The following REPIN1 variants were observed in gnomAD, a reference collection of about 807,000 sequenced individuals.
REPIN1 encodes DNA-binding protein REPIN1.
In REPIN1, 4 loss-of-function variants were observed where a neutral mutation model predicts 5.7. The ratio of observed to expected loss-of-function variants is 0.71; its 90% CI spans 0.35 to 1.62. The LOEUF (loss-of-function observed/expected upper bound fraction) is 1.62. REPIN1 is among the 40% of genes most tolerant of loss of function. The probability of loss-of-function intolerance (pLI) is 0.05; values close to 1 mark genes in which losing one functional copy is unlikely to be tolerated. For synonymous variants in REPIN1, 410 were observed against 386.2 expected, an observed-to-expected ratio of 1.06 and a Z score of -0.72; for missense variants, 854 against 901.0, an observed-to-expected ratio of 0.95 and a Z score of 0.67.
In REPIN1 at chr7:150,371,254, C is replaced by T. The variant is rs1799684689; in HGVS notation, c.184C>T (p.Arg62Cys). ...AGAGGAAGAACCGATGCTGGAACGT[C>T]GTTGCAGGGGCCCCCTGGCCATGGG... is the stretch of plus-strand genomic sequence containing the variant. ...QAEEEPMLER[R>C]CRGPLAMGLA... Residue 62 changes from arginine to cysteine, a missense_variant, in exon 3 of 3, where the codon CGT becomes TGT. Transcript: ENST00000489432. The T allele has an allele frequency of 6.3e-7, 1 of 1,599,876 alleles. No homozygotes were observed.
intron 2 of REPIN1, 187 bp downstream of exon 2, chr7:150,370,055 G>T (rs1033512278): frequency 3.0e-6 from 2 of 673,658 alleles, no homozygotes; most frequent in African/African-American, 3.6e-5. Context: ...GAATTTAGAA[G>T]GATGTGTCTG....
Position 150,372,436 on chromosome 7 carries a change from G to C in REPIN1, c.1366G>C (p.Gly456Arg). 9 of 1,513,592 alleles carry C rather than the reference G, an allele frequency of 5.9e-6. No individual in the cohort carries two copies. In the South Asian group the frequency reaches 1.1e-4, roughly 19 times the overall value. 93.8% of individuals were successfully genotyped at this position (1,513,592 alleles called of 1,614,324 possible). ...GCGGGCCCACCAGCGGCAGCACACCGGGGAGCGGCCCTTCACCTGCGCCGA... is the reference window on the plus strand; with the variant it reads ...GCGGGCCCACCAGCGGCAGCACACCCGGGAGCGGCCCTTCACCTGCGCCGA... The part of the protein sequence containing the change: ...FLRAHQRQHT[G>R]ERPFTCAECG... Residue 456 changes from glycine (G) to arginine (R), a missense_variant, in exon 3 of 3, where the codon GGG (glycine) becomes CGG (arginine). Physicochemically the swap from Gly to Arg is moderately radical, Grantham distance 125. Around this residue, in one of 5 missense-constraint regions of REPIN1, gnomAD observed 327 missense variants for 307.8 expected, o/e 1.06. Transcript: ENST00000489432.
rs1800019594 is a variant in REPIN1 at position 150,372,853 on chromosome 7, A to G, written c.1783A>G (p.Ile595Val). ...CCTCATCACCCACCGCAAGAGCCAC[A>G]TCCGGGACGGCGCCTTCTGCTGTGC... ...SNLITHRKSHIRDGAFCCAIC... is the reference protein window; with the variant it reads ...SNLITHRKSHVRDGAFCCAIC... The change falls in exon 3 of 3, where the codon ATC (isoleucine) becomes GTC (valine). Residue 595 changes from isoleucine (I) to valine (V), a missense_variant. Transcript: ENST00000489432. 3.7e-6 allele frequency: 6 copies of G among 1,613,096 alleles called. No homozygotes were observed. Among genetic ancestry groups the G allele is most frequent in the Non-Finnish European group, 5.1e-6 (6 of 1,180,026 alleles).
At position 150,372,442 on chromosome 7, in the gene REPIN1, C is replaced by A; in HGVS notation, c.1372C>A (p.Arg458=). The change falls in exon 3 of 3, where the codon CGG becomes AGG. Residue 458 remains arginine (R), a synonymous_variant. Transcript: ENST00000489432. ...RAHQRQHTGE[R]PFTCAECGKN... is the part of the protein sequence containing the mutation. ...CCACCAGCGGCAGCACACCGGGGAG[C>A]GGCCCTTCACCTGCGCCGAGTGCGG... 2 of 1,517,824 alleles carry A rather than the reference C, an allele frequency of 1.3e-6. No individual in the cohort carries two copies. The highest frequency in any genetic ancestry group is 1.3e-5 in the South Asian group (1 of 79,106). 94.0% of individuals were successfully genotyped at this position (1,517,824 alleles called of 1,614,324 possible).
chr7:150,372,793 C>G lies in REPIN1; in HGVS notation c.1723C>G (p.Pro575Ala), dbSNP rs753770395. Reference protein sequence around the residue: ...IHTGERPYACPDCDRSFSQKS... With the variant: ...IHTGERPYACADCDRSFSQKS... ...CACGGGCGAGCGGCCCTACGCCTGT[C>G]CCGACTGCGACCGCAGCTTCAGCCA... Residue 575 changes from proline to alanine, a missense_variant, in exon 3 of 3, where the codon CCC (proline) becomes GCC (alanine). Pro to Ala is a conservative substitution (Grantham distance 27). Transcript: ENST00000489432. 1 of 1,612,216 alleles carries G rather than the reference C, an allele frequency of 6.2e-7. No individual in the cohort carries two copies. The highest frequency in any genetic ancestry group is 2.2e-5 in the East Asian group (1 of 44,878).
At position 150,372,333 on chromosome 7, in the gene REPIN1, G is replaced by T; in HGVS notation, c.1263G>T (p.Pro421=). 6.6e-7 allele frequency: 1 copy of T among 1,521,942 alleles called. No individual in the cohort carries two copies. The highest frequency in any genetic ancestry group is 8.8e-7 in the Non-Finnish European group (1 of 1,141,484). 94.3% of individuals were successfully genotyped at this position (1,521,942 alleles called of 1,614,324 possible). A position where few individuals can be genotyped will look rare whatever the true frequency, so the allele number is the denominator to read the frequency against. The change falls in exon 3 of 3, where the codon CCG becomes CCT. Residue 421 remains proline, a synonymous_variant. Coordinates refer to ENST00000489432, the MANE Select transcript of REPIN1 (RefSeq NM_001099695.2). Reference sequence around the variant, plus strand: ...CGCCAGGGGCCCCGCCAGAGCACCCGCAGGACCCGATCGAAGCCCCCCCCT... The same window carrying T: ...CGCCAGGGGCCCCGCCAGAGCACCCTCAGGACCCGATCGAAGCCCCCCCCT... ...EPPPGAPPEH[P]QDPIEAPPSL...
In REPIN1 at chr7:150,371,502, CCCTG is replaced by C; in HGVS notation, c.433_436del (p.Pro145SerfsTer12). On this transcript the variant is annotated frameshift_variant, in exon 3 of 3. Transcript: ENST00000489432. LOFTEE classifies it low-confidence loss of function (END_TRUNC). Reference sequence around the variant, plus strand: ...GCCAGGCCCGGCTGCCCTTGCCCTGCCCTGAGTGTGGCCGTCGCTTTCGCCATGC... The same window carrying C: ...GCCAGGCCCGGCTGCCCTTGCCCTGCAGTGTGGCCGTCGCTTTCGCCATGC... The C allele has an allele frequency of 1.2e-6, 2 of 1,606,884 alleles. No individual in the cohort carries two copies. The highest frequency in any genetic ancestry group is 1.7e-6 in the Non-Finnish European group (2 of 1,179,710).
rs867993002 is a variant in REPIN1, at chr7:150,372,412, C to T, written c.1342C>T (p.Arg448Trp). Residue 448 changes from arginine to tryptophan, a missense_variant, in exon 3 of 3, where the codon CGG becomes TGG. Physicochemically the swap from Arg to Trp is moderately radical, Grantham distance 101. This residue lies in a region of REPIN1 where 327 missense variants were observed against 307.8 expected (regional missense o/e 1.06). Coordinates refer to ENST00000489432, the MANE Select transcript of REPIN1 (RefSeq NM_001099695.2). ...GRSFRLERFL[R>W]AHQRQHTGER... ...GAGCTTCCGGCTGGAGCGCTTCCTG[C>T]GGGCCCACCAGCGGCAGCACACCGG... The T allele has an allele frequency of 1.3e-6, 2 of 1,489,832 alleles. No homozygotes were observed. Among genetic ancestry groups the T allele is most frequent in the Non-Finnish European group, 8.9e-7 (1 of 1,127,424 alleles). The allele number at this position is 1,489,832 out of a possible 1,614,324, so 92.3% of individuals were successfully genotyped here.
chr7:150,369,595 G>A (rs2129619670), intron 1 of REPIN1, 76 bp from the exon 2 acceptor site: 1 of 1,334,922 alleles, frequency 7.5e-7, no homozygotes, highest in Admixed American at 2.0e-5. Context: ...GAGGGGTTGT[G>A]GCTGGTGAGG....
At position 150,372,504 on chromosome 7, in the gene REPIN1, C is replaced by A; in HGVS notation, c.1434C>A (p.His478Gln). 1 of 1,547,354 alleles carries A rather than the reference C, an allele frequency of 6.5e-7. No individual in the cohort carries two copies. Among genetic ancestry groups the A allele is most frequent in the Non-Finnish European group, 8.7e-7 (1 of 1,152,730 alleles). The change falls in exon 3 of 3, where the codon CAC becomes CAA. Residue 478 changes from histidine to glutamine, a missense_variant. His to Gln is a conservative substitution (Grantham distance 24). This residue lies in a region of REPIN1 where 327 missense variants were observed against 307.8 expected (regional missense o/e 1.06). Transcript: ENST00000489432. ...NFGKKTHLVA[H>Q]SRVHSGERPF... ...GCAAGAAGACGCACCTGGTGGCGCA[C>A]TCGCGCGTGCACTCCGGCGAGCGGC...
At position 150,372,518 on chromosome 7, in the gene REPIN1, C is replaced by T. The variant is rs757975421; in HGVS notation, c.1448C>T (p.Ser483Phe). 6.4e-7 allele frequency: 1 copy of T among 1,554,796 alleles called. No individual in the cohort carries two copies. Among genetic ancestry groups the T allele is most frequent in the African/African-American group, 1.4e-5 (1 of 73,704 alleles). Residue 483 changes from serine to phenylalanine, a missense_variant, in exon 3 of 3, where the codon TCC (serine) becomes TTC (phenylalanine). Transcript: ENST00000489432. ...CTGGTGGCGCACTCGCGCGTGCACT[C>T]CGGCGAGCGGCCCTTCGCCTGCGAG... The part of the protein sequence containing the change: ...THLVAHSRVH[S>F]GERPFACEEC...
At chr7:150,370,558 C>A (rs1182789807) in intron 2 of REPIN1, 6 of 580,646 alleles carry the variant, frequency 1.0e-5, no homozygotes, top group Non-Finnish European at 1.8e-5. Context: ...GAAAGTGCCT[C>A]CCCTGTGGGG....
At chr7:150,369,579 TG>T (rs1160868800) in intron 1 of REPIN1, 91 bp from the exon 2 acceptor site, 22 of 1,132,968 alleles carry the variant, frequency 1.9e-5, no homozygotes, top group Non-Finnish European at 1.8e-5. Flanking sequence ...TGTGGCTTTG[TG>T]GGGGGAGGGG....
At position 150,369,870 on chromosome 7, in the gene REPIN1, TAG is replaced by T. The variant is rs781351030; in HGVS notation, c.157+5_157+6del. The T allele has an allele frequency of 3.8e-6, 6 of 1,594,700 alleles. No individual in the cohort carries two copies. The African/African-American group carries it at 4.0e-5, about 11-fold the overall frequency. On this transcript the variant is annotated splice_donor_region_variant and intron_variant, in intron 2 of 2. Coordinates refer to ENST00000489432, the MANE Select transcript of REPIN1 (RefSeq NM_001099695.2). ...ATCCCCAGCTCTGCAGTCTCCAGGGTAGAGTCTGGCCTTTGCTGTGCTCCCAA... is the reference window on the plus strand; with the variant it reads ...ATCCCCAGCTCTGCAGTCTCCAGGGTAGTCTGGCCTTTGCTGTGCTCCCAA...
At position 150,372,054 on chromosome 7, in the gene REPIN1, G is replaced by A. The variant is rs1799844870; in HGVS notation, c.984G>A (p.Lys328=). 6.2e-7 allele frequency: 1 copy of A among 1,612,104 alleles called. No homozygotes were observed. Among genetic ancestry groups the A allele is most frequent in the Non-Finnish European group, 8.5e-7 (1 of 1,179,694 alleles). Residue 328 remains lysine, a synonymous_variant, in exon 3 of 3, where the codon AAG becomes AAA. Transcript: ENST00000489432. ...ERPHQCPECG[K]RFTNKPYLTS... ...CCCACCAGTGCCCCGAGTGCGGGAA[G>A]CGCTTTACCAATAAGCCCTATCTGA...
upstream of REPIN1, chr7:150,368,307 AGG>A (rs939839112): frequency 1.3e-5 from 2 of 152,126 alleles, no homozygotes; most frequent in African/African-American, 4.8e-5. Flanking sequence ...ATCGGAAGCT[AGG>A]GCCTTCCAGG....
Position 150,371,369 on chromosome 7 carries a change from C to A in REPIN1, c.299C>A (p.Thr100Lys). 5 of 1,592,368 alleles carry A rather than the reference C, an allele frequency of 3.1e-6. No homozygotes were observed. Among genetic ancestry groups the A allele is most frequent in the Non-Finnish European group, 4.3e-6 (5 of 1,170,634 alleles). The part of the protein sequence containing the change: ...KESRGLRQQG[T>K]SVAQSGAQAP... Reference sequence around the variant, plus strand: ...TCCCGCGGGCTGAGGCAACAAGGCACGTCAGTGGCCCAGTCTGGTGCCCAA... The same window carrying A: ...TCCCGCGGGCTGAGGCAACAAGGCAAGTCAGTGGCCCAGTCTGGTGCCCAA... The change falls in exon 3 of 3, where the codon ACG (threonine) becomes AAG (lysine). Residue 100 changes from threonine to lysine, a missense_variant. Transcript: ENST00000489432.
In REPIN1 at chr7:150,371,488, C is replaced by CTGCCCT; in HGVS notation, c.425_430dup (p.Leu142_Pro143dup). On this transcript the variant is annotated inframe_insertion, in exon 3 of 3. Coordinates refer to ENST00000489432, the MANE Select transcript of REPIN1 (RefSeq NM_001099695.2). ...TCACACCCGCCGGTGCCAGGCCCGG[C>CTGCCCT]TGCCCTTGCCCTGCCCTGAGTGTGG... 2 of 1,606,994 alleles carry CTGCCCT rather than the reference C, an allele frequency of 1.2e-6. No individual in the cohort carries two copies. Among genetic ancestry groups the CTGCCCT allele is most frequent in the Non-Finnish European group, 1.7e-6 (2 of 1,179,620 alleles).
At position 150,371,429 on chromosome 7, in the gene REPIN1, G is replaced by GA; in HGVS notation, c.361dup (p.Arg121LysfsTer26). On this transcript the variant is annotated frameshift_variant, in exon 3 of 3. Coordinates refer to ENST00000489432, the MANE Select transcript of REPIN1 (RefSeq NM_001099695.2). LOFTEE classifies it low-confidence loss of function (END_TRUNC). ...AGGGCCCATCGCTGTGCCCACTGTC[G>GA]AAGGCACTTCCCTGGCTGGGTGGCT... 4 of 1,603,554 alleles carry GA rather than the reference G, an allele frequency of 2.5e-6. No homozygotes were observed. The highest frequency in any genetic ancestry group is 3.4e-6 in the Non-Finnish European group (4 of 1,176,866).
Sources: allele counts gnomAD v4.1 joint callset, GRCh38; gene constraint gnomAD v4.1.1; regional missense constraint gnomAD v4.1.1; transcripts MANE v1.5; gene names NCBI Gene and HGNC (gene_info 2026-07-23, HGNC 2026-07-21).